Variants in PTK2 observed in about 807,000 individuals in gnomAD.
PTK2 encodes the protein focal adhesion kinase 1.
PTK2 carries 45 observed loss-of-function variants against 150.1 expected under a neutral mutation model. The ratio of observed to expected loss-of-function variants is 0.30; its 90% CI spans 0.24 to 0.38. The LOEUF (loss-of-function observed/expected upper bound fraction) is 0.38. Ranked by LOEUF, PTK2 falls within the 10% of genes least tolerant of loss-of-function variation. The probability of loss-of-function intolerance (pLI) is 1.00; values close to 1 mark genes in which losing one functional copy is unlikely to be tolerated. For synonymous variants in PTK2, 432 were observed against 449.2 expected (o/e 0.96, Z 0.48); for missense variants, 919 against 1,307.3 (o/e 0.70, Z 4.58).
chr8:140,839,264 C>T (rs965603374), intron 7 of PTK2, among the ~76,000 whole-genome samples: 29 of 152,042 alleles, frequency 1.9e-4, no homozygotes, highest in Admixed American at 6.5e-4. Flanking sequence ...CTGACGAAGG[C>T]GGAAGTGGCA....
At chr8:140,862,741 A>G (rs1017503117) in intron 5 of PTK2, among the ~76,000 whole-genome samples, 1 of 152,182 alleles carries the variant, frequency 6.6e-6, no homozygotes, top group African/African-American at 2.4e-5. Flanking sequence ...TGTGAGGTGC[A>G]CGTGTGAGGG....
chr8:140,853,340 C>A (rs1395320671), intron 5 of PTK2, among the ~76,000 whole-genome samples: 1 of 99,390 alleles, frequency 1.0e-5, no homozygotes, highest in Non-Finnish European at 1.9e-5. Context: ...TCCCTCCCCC[C>A]TCCCCCCACC....
At position 140,659,383 on chromosome 8, in the gene PTK2, A is replaced by T. The variant is rs1046255372; in HGVS notation, c.*83T>A. The T allele has an allele frequency of 2.4e-6, 3 of 1,268,872 alleles. No individual in the cohort carries two copies. In the Admixed American group the frequency reaches 6.6e-5, roughly 28 times the overall value. The allele number at this position is 1,268,872 out of a possible 1,614,324, so 78.6% of individuals were successfully genotyped here. A position where few individuals can be genotyped will look rare whatever the true frequency, so the allele number is the denominator to read the frequency against. On this transcript the variant is annotated 3_prime_UTR_variant, in exon 32 of 32. Coordinates refer to ENST00000522684, the Ensembl canonical transcript of PTK2. Reference sequence around the variant, plus strand: ...GAGCTGTAAGTGCTGGCGACTGAGGACACAGGGTTAATTCCTCGCTGCTGG... The same window carrying T: ...GAGCTGTAAGTGCTGGCGACTGAGGTCACAGGGTTAATTCCTCGCTGCTGG...
At chr8:140,758,057 T>C (rs541907636) in intron 16 of PTK2, among the ~76,000 whole-genome samples, 1 of 152,238 alleles carries the variant, frequency 6.6e-6, no homozygotes, top group Non-Finnish European at 1.5e-5. Flanking sequence ...TTTTCTAATA[T>C]ACTACACTTT....
intron 12 of PTK2, among the ~76,000 whole-genome samples, chr8:140,793,996 T>C (rs528708265): frequency 6.6e-5 from 10 of 152,204 alleles, no homozygotes; most frequent in African/African-American, 1.2e-4. Flanking sequence ...ACAGTGAAGC[T>C]GAGGACTTCG....
At chr8:140,776,236 C>G (rs1257085405) in intron 14 of PTK2, among the ~76,000 whole-genome samples, 1 of 152,150 alleles carries the variant, frequency 6.6e-6, no homozygotes, top group Non-Finnish European at 1.5e-5. Flanking sequence ...TTTCTGACCT[C>G]AGGTGATCCG....
intron 23 of PTK2, among the ~76,000 whole-genome samples, chr8:140,710,635 C>T (rs895058519): frequency 1.3e-5 from 2 of 152,140 alleles, no homozygotes; most frequent in African/African-American, 4.8e-5. Context: ...CGCACCATGG[C>T]ACTGCAGCCT....
intron 10 of PTK2, among the ~76,000 whole-genome samples, chr8:140,807,434 C>A (rs554380311): frequency 6.6e-6 from 1 of 152,288 alleles, no homozygotes; most frequent in Admixed American, 6.5e-5. Flanking sequence ...AAGGCAGCTG[C>A]ACACAATATA....
At chr8:140,745,211 G>A (rs35426024) in intron 18 of PTK2, among the ~76,000 whole-genome samples, 88,517 of 152,024 alleles carry the variant, frequency 0.58, 27,394 homozygotes, top group African/African-American at 0.79. Context: ...GAGAAAGCAG[G>A]GACAAGAAGG....
At chr8:140,841,259 C>A (rs1324240020) in intron 7 of PTK2, among the ~76,000 whole-genome samples, 1 of 152,092 alleles carries the variant, frequency 6.6e-6, no homozygotes, top group Non-Finnish European at 1.5e-5. Flanking sequence ...CACACAGATG[C>A]TCACTGAACA....
intron 22 of PTK2, among the ~76,000 whole-genome samples, chr8:140,728,702 G>A (rs2100047381): frequency 6.6e-6 from 1 of 152,060 alleles, no homozygotes; most frequent in South Asian, 2.1e-4. Context: ...TGTATTTTTA[G>A]TAGAGGCGGG....
chr8:140,962,883 C>A (rs923442811), intron 1 of PTK2, among the ~76,000 whole-genome samples: 6 of 151,930 alleles, frequency 3.9e-5, no homozygotes, highest in African/African-American at 7.2e-5. Flanking sequence ...TCCCCCCCCC[C>A]AACCCAACCT....
chr8:140,729,622 A>T (rs914329034), intron 22 of PTK2, among the ~76,000 whole-genome samples: 1 of 152,230 alleles, frequency 6.6e-6, no homozygotes, highest in African/African-American at 2.4e-5. Flanking sequence ...TACTCAAACA[A>T]TGTAAGAAAA....
intron 5 of PTK2, among the ~76,000 whole-genome samples, chr8:140,863,172 C>T (rs1438466112): frequency 6.6e-6 from 1 of 152,152 alleles, no homozygotes; most frequent in South Asian, 2.1e-4. Context: ...ACATAATAAG[C>T]CTTTTTCTTC....
At chr8:140,670,513 AC>A (rs2095115114) in intron 29 of PTK2, among the ~76,000 whole-genome samples, 1 of 143,854 alleles carries the variant, frequency 7.0e-6, no homozygotes, top group South Asian at 2.2e-4. Flanking sequence ...ACACACACAC[AC>A]ACACACACAC....
At chr8:140,734,791 C>T (rs778285348) in intron 22 of PTK2, 30 of 515,124 alleles carry the variant, frequency 5.8e-5, no homozygotes, top group South Asian at 4.0e-4. Flanking sequence ...GTTCTGAAAA[C>T]TGAATAAAAG....
At chr8:140,949,284 G>A (rs1391254172) in intron 1 of PTK2, among the ~76,000 whole-genome samples, 1 of 152,136 alleles carries the variant, frequency 6.6e-6, no homozygotes, top group African/African-American at 2.4e-5. Context: ...CTACAGTACT[G>A]ATAGCAGTGG....
chr8:140,730,127 A>G (rs906576898), intron 22 of PTK2, among the ~76,000 whole-genome samples: 1 of 151,700 alleles, frequency 6.6e-6, no homozygotes, highest in African/African-American at 2.4e-5. Flanking sequence ...ATGATAGAAG[A>G]CCAGTTCAAA....
chr8:140,833,139 G>A (rs1255838143), intron 7 of PTK2: 2 of 486,216 alleles, frequency 4.1e-6, no homozygotes, highest in East Asian at 5.7e-5. Context: ...CGAATACTAG[G>A]TATTGCTTTT....
Sources: gnomAD v4.1 joint callset for allele counts (sites outside exome capture counted in the v4.1 genomes callset) on GRCh38, gnomAD v4.1.1 for gene constraint, MANE v1.5 for transcripts, NCBI Gene and HGNC (gene_info 2026-07-23, HGNC 2026-07-21) for gene names.